The following ARHGAP42 variants were observed in gnomAD, a reference collection of about 807,000 sequenced individuals.
ARHGAP42 encodes the protein Rho GTPase activating protein 42, also known as rho GTPase-activating protein 42.
Under a neutral mutation model 125.0 loss-of-function variants are expected in ARHGAP42, and 63 were observed. The observed-to-expected ratio is 0.50, with a 90% CI of 0.41 to 0.62. The LOEUF (loss-of-function observed/expected upper bound fraction) is 0.62, where lower values mean the gene tolerates loss of function less well. Among genes scored for constraint, ARHGAP42 ranks in the 20% least tolerant of loss-of-function variants. ARHGAP42 has a pLI of 0.00. For synonymous variants in ARHGAP42, 339 were observed against 351.0 expected (o/e 0.97, Z 0.38); for missense variants, 766 against 1,024.2 (o/e 0.75, Z 3.44).
rs1014202473 is a variant in ARHGAP42 at position 100,909,440 on chromosome 11, G to A, written c.385-4012G>A. Among the ~76,000 whole-genome samples the A allele has an allele frequency of 4.6e-5, 7 of 151,650 alleles. No homozygotes were observed. The East Asian group carries it at 1.2e-3, about 25-fold the overall frequency. On this transcript the variant is annotated intron_variant, in intron 4 of 23. Coordinates refer to ENST00000298815, the MANE Select transcript of ARHGAP42 (RefSeq NM_152432.4). ...GGCTCACTGCAACCTCTGCTCCAGG[G>A]TTCAAGCGATTCTCCTGCCTCAGCC... is the stretch of plus-strand genomic sequence containing the variant.
intron 4 of ARHGAP42, among the ~76,000 whole-genome samples, chr11:100,907,352 C>CAAATGTGAATTTGTAAATGCAA (rs1866766646): frequency 6.6e-6 from 1 of 152,168 alleles, no homozygotes; most frequent in Non-Finnish European, 1.5e-5. Context: ...TGTAGGAGTT[C>CAAATGTGAATTTGTAAATGCAA]CTTGTAAATG....
intron 4 of ARHGAP42, among the ~76,000 whole-genome samples, chr11:100,908,532 G>A (rs1866817821): frequency 6.6e-6 from 1 of 152,018 alleles, no homozygotes; most frequent in South Asian, 2.1e-4. Flanking sequence ...TAGGATAATG[G>A]CCCCCAGTTC....
intron 1 of ARHGAP42, among the ~76,000 whole-genome samples, chr11:100,724,587 T>C (rs2120281349): frequency 6.6e-6 from 1 of 152,254 alleles, no homozygotes; most frequent in East Asian, 1.9e-4. Context: ...GTTTTCATAT[T>C]GTAGGCATAG....
chr11:100,856,443 A>G (rs1565244055), intron 3 of ARHGAP42, among the ~76,000 whole-genome samples: 2 of 152,096 alleles, frequency 1.3e-5, no homozygotes, highest in Non-Finnish European at 1.5e-5. Context: ...GGGGGAATGT[A>G]TAAAGATGAG....
intron 3 of ARHGAP42, 142 bp downstream of exon 3, chr11:100,795,308 G>T (rs1863683684): frequency 5.5e-6 from 3 of 548,652 alleles, no homozygotes; most frequent in Non-Finnish European, 6.1e-6. Flanking sequence ...TTTTTGAAAA[G>T]ATTTGTGACT....
rs189265085 is a variant in ARHGAP42 at position 100,878,791 on chromosome 11, C to G, written c.384+19166C>G. Among the ~76,000 whole-genome samples, 394 of 152,152 alleles carry G rather than the reference C, an allele frequency of 2.6e-3. 2 individuals are homozygous for G. Among genetic ancestry groups the G allele is most frequent in the African/African-American group, 9.0e-3 (374 of 41,500 alleles). ...TGTTCTGCTTGAAATCCTATCTGCA[C>G]CCATTACAACACTGCTTCCTGGCAT... On this transcript the variant is annotated intron_variant, in intron 4 of 23. Transcript: ENST00000298815.
At chr11:100,715,033 A>G (rs1199382963) in intron 1 of ARHGAP42, among the ~76,000 whole-genome samples, 2 of 127,848 alleles carry the variant, frequency 1.6e-5, no homozygotes, top group Non-Finnish European at 3.1e-5. Flanking sequence ...TGGGCGATGC[A>G]GTGAAACCCT....
intron 11 of ARHGAP42, among the ~76,000 whole-genome samples, chr11:100,949,396 T>C (rs937897862): frequency 1.3e-5 from 2 of 152,150 alleles, no homozygotes; most frequent in Admixed American, 1.3e-4. Context: ...TTTTTTGTTA[T>C]TTTCTATTTC....
intron 12 of ARHGAP42, among the ~76,000 whole-genome samples, chr11:100,953,201 TCTC>T (rs998345383): frequency 2.0e-5 from 3 of 152,174 alleles, no homozygotes; most frequent in African/African-American, 7.2e-5. Context: ...GTATGTAACT[TCTC>T]CTGTAACTGG....
intron 1 of ARHGAP42, among the ~76,000 whole-genome samples, chr11:100,744,071 A>G (rs1039225357): frequency 1.3e-5 from 2 of 152,154 alleles, no homozygotes; most frequent in Non-Finnish European, 2.9e-5. Flanking sequence ...CCCATGTTCA[A>G]GTGATTCTCC....
At chr11:100,945,494 A>G (rs1213725738) in intron 10 of ARHGAP42, among the ~76,000 whole-genome samples, 1 of 152,120 alleles carries the variant, frequency 6.6e-6, no homozygotes, top group Non-Finnish European at 1.5e-5. Flanking sequence ...TGAAAGCCTA[A>G]TGAAATGTGT....
chr11:100,894,042 A>G (rs763485766), intron 4 of ARHGAP42, among the ~76,000 whole-genome samples: 1 of 152,220 alleles, frequency 6.6e-6, no homozygotes, highest in Non-Finnish European at 1.5e-5. Flanking sequence ...CTTTGCAAAT[A>G]TAAGAAAAGA....
chr11:100,836,023 A>G (rs1864779459), intron 3 of ARHGAP42, among the ~76,000 whole-genome samples: 2 of 152,102 alleles, frequency 1.3e-5, no homozygotes, highest in African/African-American at 4.8e-5. Context: ...TTTCAAAATC[A>G]AGACAAAAAT....
At chr11:100,785,670 G>T (rs115569557) in intron 2 of ARHGAP42, among the ~76,000 whole-genome samples, 185 of 152,284 alleles carry the variant, frequency 1.2e-3, no homozygotes, top group African/African-American at 4.3e-3. Context: ...AGTTCCTGAT[G>T]GCAGGAAACA....
intron 1 of ARHGAP42, among the ~76,000 whole-genome samples, chr11:100,741,356 T>C (rs1862182814): frequency 6.6e-6 from 1 of 152,134 alleles, no homozygotes; most frequent in African/African-American, 2.4e-5. Context: ...TTATAGTTAG[T>C]GAAATGTGAT....
At chr11:100,887,777 C>T (rs1866127266) in intron 4 of ARHGAP42, among the ~76,000 whole-genome samples, 1 of 152,198 alleles carries the variant, frequency 6.6e-6, no homozygotes, top group African/African-American at 2.4e-5. Context: ...AAGGGCACAT[C>T]CCTCCTGAGG....
At chr11:100,783,856 T>C (rs568182960) in intron 2 of ARHGAP42, among the ~76,000 whole-genome samples, 7 of 152,338 alleles carry the variant, frequency 4.6e-5, no homozygotes, top group African/African-American at 1.4e-4. Flanking sequence ...GAGTGTCTTC[T>C]GAGTGCAAAG....
intron 8 of ARHGAP42, among the ~76,000 whole-genome samples, chr11:100,938,049 C>G (rs1469777389): frequency 9.4e-6 from 1 of 105,950 alleles, no homozygotes; most frequent in Non-Finnish European, 2.0e-5. Flanking sequence ...CTGACCTCTT[C>G]TCTGATTTTT....
At chr11:100,731,476 G>A (rs1462334890) in intron 1 of ARHGAP42, among the ~76,000 whole-genome samples, 1 of 152,150 alleles carries the variant, frequency 6.6e-6, no homozygotes. Context: ...AAGGTTTGAA[G>A]TCAACACAGT....
Sources: allele counts gnomAD v4.1 joint callset (sites outside exome capture counted in the v4.1 genomes callset), GRCh38; gene constraint gnomAD v4.1.1; transcripts MANE v1.5; gene names NCBI Gene and HGNC (gene_info 2026-07-23, HGNC 2026-07-21).